PIWIL1: variants seen among roughly 807,000 people sequenced by gnomAD.
PIWIL1 encodes piwi-like protein 1.
Under a neutral mutation model 114.4 loss-of-function variants are expected in PIWIL1, and 73 were observed. That is an observed-to-expected ratio of 0.64 (90% CI 0.53 to 0.78). The LOEUF (loss-of-function observed/expected upper bound fraction) is 0.78. PIWIL1 is among the 30% of genes least tolerant of loss of function. The probability of loss-of-function intolerance (pLI) is 0.00; values close to 1 mark genes in which losing one functional copy is unlikely to be tolerated. For synonymous variants in PIWIL1, 375 were observed against 369.0 expected (o/e 1.02, Z -0.19); for missense variants, 723 against 1,063.1 (o/e 0.68, Z 4.45).
At chr12:130,391,384 A>G in the PIWIL1 span, among the ~76,000 whole-genome samples, 142,352 of 152,250 alleles carry the variant, frequency 0.93, 66,674 homozygotes, top group Non-Finnish European at 0.96. Flanking sequence ...AAGTCCAGCC[A>G]TCTCTACAAG....
chr12:130,342,987 C>T lies in PIWIL1; in HGVS notation c.79-3C>T. The T allele has an allele frequency of 6.2e-7, 1 of 1,609,244 alleles. No individual in the cohort carries two copies. Among genetic ancestry groups the T allele is most frequent in the Non-Finnish European group, 8.5e-7 (1 of 1,175,516 alleles). On this transcript the variant is annotated splice_polypyrimidine_tract_variant and splice_region_variant and intron_variant, in intron 2 of 20. Coordinates refer to ENST00000245255, the MANE Select transcript of PIWIL1 (RefSeq NM_004764.5). ...AATGTTCTTTATTTGCATGTAACTA[C>T]AGAGTCAGCAACCTGGTTATATTCA... is the stretch of plus-strand genomic sequence containing the variant.
At chr12:130,407,936 A>G in the PIWIL1 span, 2 of 977,870 alleles carry the variant, frequency 2.0e-6, no homozygotes, top group Non-Finnish European at 3.3e-6. Flanking sequence ...GAGACCTGGC[A>G]CTGCTAACAG....
intron 14 of PIWIL1, among the ~76,000 whole-genome samples, chr12:130,359,921 C>T (rs1044639647): frequency 5.3e-5 from 8 of 152,116 alleles, no homozygotes; most frequent in African/African-American, 1.9e-4. Flanking sequence ...ATTAGTTCAG[C>T]GATTTCACTG....
the PIWIL1 span, among the ~76,000 whole-genome samples, chr12:130,417,553 A>G: frequency 6.6e-6 from 1 of 152,194 alleles, no homozygotes; most frequent in African/African-American, 2.4e-5. Context: ...AGATGGGAAC[A>G]ACAGAAACTG....
intron 3 of PIWIL1, among the ~76,000 whole-genome samples, chr12:130,343,361 C>T (rs1307541652): frequency 4.6e-5 from 7 of 152,146 alleles, no homozygotes; most frequent in Non-Finnish European, 7.3e-5. Context: ...GAACAGTTCC[C>T]TATCTGTAAC....
At chr12:130,382,742 C>A in the PIWIL1 span, among the ~76,000 whole-genome samples, 99 of 152,232 alleles carry the variant, frequency 6.5e-4, no homozygotes, top group African/African-American at 2.2e-3. Flanking sequence ...ACCTCATTTC[C>A]CCCCACCCCA....
At chr12:130,388,145 G>A in the PIWIL1 span, among the ~76,000 whole-genome samples, 1 of 151,906 alleles carries the variant, frequency 6.6e-6, no homozygotes, top group African/African-American at 2.4e-5. Flanking sequence ...TTTGAGTCTC[G>A]CTCTGTCACC....
the PIWIL1 span, chr12:130,399,026 C>A: frequency 3.5e-6 from 2 of 577,222 alleles, no homozygotes; most frequent in Non-Finnish European, 2.8e-6. Context: ...TTTTTTTAAC[C>A]CCACAATGAA....
the PIWIL1 span, chr12:130,424,989 T>G: frequency 6.8e-6 from 3 of 443,128 alleles, no homozygotes; most frequent in South Asian, 1.2e-4. The surrounding 1 kb of genome is among the most constrained non-coding windows in gnomAD (Gnocchi z 9.8). Flanking sequence ...AGCATGCGTC[T>G]ACTCAGGCCG....
chr12:130,399,644 G>A, the PIWIL1 span: 2 of 1,612,060 alleles, frequency 1.2e-6, no homozygotes, highest in East Asian at 2.2e-5. Flanking sequence ...GGCAGAACGG[G>A]ACAGAGATTA....
chr12:130,352,573 C>G (rs541199591), intron 9 of PIWIL1, among the ~76,000 whole-genome samples: 2 of 152,106 alleles, frequency 1.3e-5, no homozygotes, highest in South Asian at 4.2e-4. Context: ...CAGCTACTCG[C>G]GAGGCTGAGG....
the PIWIL1 span, among the ~76,000 whole-genome samples, chr12:130,408,579 C>T: frequency 3.9e-5 from 6 of 152,184 alleles, no homozygotes; most frequent in African/African-American, 7.2e-5. Flanking sequence ...CTCTGCCCAG[C>T]GTGAGCGCTC....
chr12:130,422,036 C>T, the PIWIL1 span, among the ~76,000 whole-genome samples: 9 of 152,322 alleles, frequency 5.9e-5, no homozygotes, highest in East Asian at 1.2e-3. This position sits in a 1 kb window ranked among gnomAD's most constrained non-coding sequence, Gnocchi z 5.2. Flanking sequence ...CTGCTGCCAG[C>T]GTGTCTTCTG....
At chr12:130,416,911 T>C in the PIWIL1 span, among the ~76,000 whole-genome samples, 2 of 151,960 alleles carry the variant, frequency 1.3e-5, no homozygotes, top group Admixed American at 1.3e-4. Flanking sequence ...ATGAATAGAC[T>C]TCTCAAAAGA....
At chr12:130,349,183 G>T in intron 7 of PIWIL1, 56 bp from the exon 8 acceptor site, 3 of 1,318,468 alleles carry the variant, frequency 2.3e-6, no homozygotes, top group South Asian at 2.4e-5. Context: ...AACTTAGTGT[G>T]TGCAGAATGT....
At chr12:130,341,806 AG>A (rs1203918577) in intron 1 of PIWIL1, among the ~76,000 whole-genome samples, 2 of 152,228 alleles carry the variant, frequency 1.3e-5, no homozygotes, top group Admixed American at 6.5e-5. Context: ...CACCACGATG[AG>A]GGTGAGAGAT....
intron 19 of PIWIL1, among the ~76,000 whole-genome samples, chr12:130,369,375 A>G (rs2073756425): frequency 1.3e-5 from 2 of 152,208 alleles, no homozygotes; most frequent in Admixed American, 1.3e-4. Context: ...ATGTATCTTT[A>G]TAGCAGAATT....
the PIWIL1 span, chr12:130,424,471 AGCCAAACCGCGACTC>A: frequency 1.6e-6 from 2 of 1,232,030 alleles, no homozygotes; most frequent in Non-Finnish European, 2.0e-6. This position sits in a 1 kb window ranked among gnomAD's most constrained non-coding sequence, Gnocchi z 9.8. Context: ...GTGTTTCCGA[AGCCAAACCGCGACTC>A]GTCCTCTTCA....
At chr12:130,353,007 T>C (rs548989069) in intron 9 of PIWIL1, among the ~76,000 whole-genome samples, 15 of 152,356 alleles carry the variant, frequency 9.8e-5, no homozygotes, top group African/African-American at 2.6e-4. Flanking sequence ...CTAGAATTCA[T>C]GGTTTCTTAA....
Sources: gnomAD v4.1 joint callset for allele counts (sites outside exome capture counted in the v4.1 genomes callset) on GRCh38, gnomAD v4.1.1 for gene constraint, Gnocchi (gnomAD v3.1) non-coding constraint, MANE v1.5 for transcripts, NCBI Gene and HGNC (gene_info 2026-07-23, HGNC 2026-07-21) for gene names.